CABLES1: variants seen among roughly 807,000 people sequenced by gnomAD.
CABLES1 encodes the protein CDK5 and ABL1 enzyme substrate 1.
CABLES1 carries 36 observed loss-of-function variants against 57.8 expected under a neutral mutation model. The observed-to-expected ratio is 0.62, with a 90% CI of 0.48 to 0.82. The LOEUF (loss-of-function observed/expected upper bound fraction) is 0.82, where lower values mean the gene tolerates loss of function less well. Among genes scored for constraint, CABLES1 ranks in the 40% least tolerant of loss-of-function variants. The probability of loss-of-function intolerance (pLI) is 0.00; values close to 1 mark genes in which losing one functional copy is unlikely to be tolerated. For synonymous variants in CABLES1, 374 were observed against 363.0 expected (o/e 1.03, Z -0.35); for missense variants, 767 against 836.6 (o/e 0.92, Z 1.03).
At chr18:23,139,854 T>C (rs564961323) in intron 1 of CABLES1, among the ~76,000 whole-genome samples, 16 of 152,342 alleles carry the variant, frequency 1.1e-4, no homozygotes, top group African/African-American at 3.8e-4. Context: ...AATAGGCCCA[T>C]AGATAATTTT....
chr18:23,219,592 A>G (rs2047471080), intron 4 of CABLES1, among the ~76,000 whole-genome samples: 1 of 152,220 alleles, frequency 6.6e-6, no homozygotes, highest in Non-Finnish European at 1.5e-5. Flanking sequence ...CACACTCAGC[A>G]TCCAGACCAC....
chr18:23,165,213 G>A (rs906231359), intron 1 of CABLES1, among the ~76,000 whole-genome samples: 1 of 152,006 alleles, frequency 6.6e-6, no homozygotes, highest in Non-Finnish European at 1.5e-5. Context: ...CTCCCAAGTA[G>A]CTAGGACTGC....
intron 4 of CABLES1, among the ~76,000 whole-genome samples, chr18:23,232,749 G>A (rs1255071348): frequency 2.0e-5 from 3 of 152,190 alleles, no homozygotes; most frequent in Non-Finnish European, 4.4e-5. Context: ...GCACTTACTG[G>A]GCACAGAAGG....
rs768039820 is a variant in CABLES1 at position 23,257,383 on chromosome 18, C to G, written c.*16C>G. On this transcript the variant is annotated 3_prime_UTR_variant, in exon 10 of 10. Coordinates refer to ENST00000256925, the MANE Select transcript of CABLES1 (RefSeq NM_001100619.3). Reference sequence around the variant, plus strand: ...GAGTTCCTAGCACTGGCCCCGAGGACAGCCAAGGGCCATTTCTTCTCAGCT... The same window carrying G: ...GAGTTCCTAGCACTGGCCCCGAGGAGAGCCAAGGGCCATTTCTTCTCAGCT... 2.5e-6 allele frequency: 4 copies of G among 1,572,966 alleles called. No individual in the cohort carries two copies. The highest frequency in any genetic ancestry group is 3.4e-6 in the Non-Finnish European group (4 of 1,165,754).
At chr18:23,234,807 C>A in intron 5 of CABLES1, 103 bp downstream of exon 5, 1 of 925,894 alleles carries the variant, frequency 1.1e-6, no homozygotes, top group South Asian at 1.5e-5. Context: ...GTGGAGGACT[C>A]GAGGTCTGGG....
At chr18:23,201,014 G>C (rs147832095) in intron 3 of CABLES1, among the ~76,000 whole-genome samples, 3 of 152,218 alleles carry the variant, frequency 2.0e-5, no homozygotes, top group African/African-American at 7.2e-5. Flanking sequence ...CAGAAGCCTC[G>C]TAGTCAGCCA....
At chr18:23,253,106 A>G (rs775096305) in intron 8 of CABLES1, 40 bp downstream of exon 8, 14 of 1,141,576 alleles carry the variant, frequency 1.2e-5, no homozygotes, top group Non-Finnish European at 1.9e-5. Flanking sequence ...TTCCCTGCAA[A>G]CCCCTCTTTC....
chr18:23,252,608 G>A (rs1324490696), intron 7 of CABLES1, among the ~76,000 whole-genome samples: 5 of 152,246 alleles, frequency 3.3e-5, no homozygotes, highest in Admixed American at 3.3e-4. Flanking sequence ...TTGAACCCAG[G>A]TCTGTGCACA....
chr18:23,176,403 G>C (rs1329116510), intron 1 of CABLES1, among the ~76,000 whole-genome samples: 2 of 152,148 alleles, frequency 1.3e-5, no homozygotes, highest in Non-Finnish European at 2.9e-5. Flanking sequence ...AGGCAGTAAT[G>C]CTTGCTTGCC....
Position 23,247,728 on chromosome 18 carries a change from C to T in CABLES1, c.1447-5232C>T, listed in dbSNP as rs115184554. Among the ~76,000 whole-genome samples the T allele has an allele frequency of 6.3e-3, 955 of 152,332 alleles. 11 individuals are homozygous for T. The highest frequency in any genetic ancestry group is 0.022 in the African/African-American group (900 of 41,578). Reference sequence around the variant, plus strand: ...GAGCCTGTGTTCTTCCCCACTGAGCCGCAGCTCAGAGAAGCAGGGACAAAA... The same window carrying T: ...GAGCCTGTGTTCTTCCCCACTGAGCTGCAGCTCAGAGAAGCAGGGACAAAA... On this transcript the variant is annotated intron_variant, in intron 7 of 9. Transcript: ENST00000256925.
intron 1 of CABLES1, among the ~76,000 whole-genome samples, chr18:23,139,291 T>C (rs1256543360): frequency 6.6e-6 from 1 of 151,026 alleles, no homozygotes; most frequent in Non-Finnish European, 1.5e-5. Context: ...TAATCCCAGC[T>C]ACTCGGGAGG....
At chr18:23,153,080 G>C (rs1438765083) in intron 1 of CABLES1, among the ~76,000 whole-genome samples, 2 of 151,560 alleles carry the variant, frequency 1.3e-5, no homozygotes, top group South Asian at 2.1e-4. Context: ...GATTACAGGC[G>C]TGAGCCACTA....
chr18:23,237,958 A>T (rs950067434), intron 7 of CABLES1, among the ~76,000 whole-genome samples: 8 of 151,906 alleles, frequency 5.3e-5, no homozygotes, highest in African/African-American at 1.9e-4. Flanking sequence ...CTTTCAGAAC[A>T]GTCGATTGGC....
In CABLES1 at chr18:23,237,207, G is replaced by C; in HGVS notation, c.1408G>C (p.Gly470Arg). 1 of 1,613,842 alleles carries C rather than the reference G, an allele frequency of 6.2e-7. No homozygotes were observed. Among genetic ancestry groups the C allele is most frequent in the Non-Finnish European group, 8.5e-7 (1 of 1,179,692 alleles). The change falls in exon 7 of 10, where the codon GGC (glycine) becomes CGC (arginine). Residue 470 changes from glycine to arginine, a missense_variant. Physicochemically the swap from Gly to Arg is moderately radical, Grantham distance 125. Coordinates refer to ENST00000256925, the MANE Select transcript of CABLES1 (RefSeq NM_001100619.3). ...NLLDDPQWPC[G>R]KHKRVLIFPS... ...CTTGGATGACCCCCAGTGGCCTTGT[G>C]GCAAACACAAACGCGTTCTGATCTT...
At chr18:23,238,204 T>G (rs767422840) in intron 7 of CABLES1, among the ~76,000 whole-genome samples, 2 of 152,222 alleles carry the variant, frequency 1.3e-5, no homozygotes, top group Non-Finnish European at 2.9e-5. Flanking sequence ...GTGTCTGCAG[T>G]AGCCAGAGTG....
chr18:23,198,076 G>A (rs1268651260), intron 3 of CABLES1: 1 of 151,994 alleles, frequency 6.6e-6, no homozygotes, highest in Admixed American at 6.6e-5. Flanking sequence ...TGGGCAGCGT[G>A]GTGAAACCCC....
chr18:23,174,535 G>A (rs900374729), intron 1 of CABLES1, among the ~76,000 whole-genome samples: 15 of 151,314 alleles, frequency 9.9e-5, no homozygotes, highest in South Asian at 4.2e-4. Context: ...GCAGTGGCAC[G>A]ATCTCAGTTC....
At chr18:23,174,671 A>C (rs2047108455) in intron 1 of CABLES1, among the ~76,000 whole-genome samples, 1 of 151,192 alleles carries the variant, frequency 6.6e-6, no homozygotes, top group African/African-American at 2.4e-5. Flanking sequence ...ACAGGATTTC[A>C]CCATGTTAGC....
At chr18:23,193,149 TA>T (rs1287130594) in intron 2 of CABLES1, among the ~76,000 whole-genome samples, 1 of 151,786 alleles carries the variant, frequency 6.6e-6, no homozygotes, top group African/African-American at 2.4e-5. Flanking sequence ...AAGCATCTAC[TA>T]AATGTCCTCA....
Sources: gnomAD v4.1 joint callset for allele counts (sites outside exome capture counted in the v4.1 genomes callset) on GRCh38, gnomAD v4.1.1 for gene constraint, MANE v1.5 for transcripts, NCBI Gene and HGNC (gene_info 2026-07-23, HGNC 2026-07-21) for gene names.